The following SNX29 variants were observed in gnomAD, a reference collection of about 807,000 sequenced individuals.
The protein encoded by SNX29 is sorting nexin-29.
Under a neutral mutation model 102.1 loss-of-function variants are expected in SNX29, and 78 were observed. The observed-to-expected ratio is 0.76, with a 90% CI of 0.64 to 0.92. The LOEUF (loss-of-function observed/expected upper bound fraction) is 0.92. Among genes scored for constraint, SNX29 ranks in the 40% least tolerant of loss-of-function variants. The pLI is 0.00. For synonymous variants in SNX29, 580 were observed against 414.5 expected, an observed-to-expected ratio of 1.40 and a Z score of -4.85; for missense variants, 1,280 against 1,061.7, an observed-to-expected ratio of 1.21 and a Z score of -2.86.
intron 3 of SNX29, among the ~76,000 whole-genome samples, chr16:12,005,006 T>C (rs1227088249): frequency 1.3e-5 from 2 of 152,228 alleles, no homozygotes; most frequent in Non-Finnish European, 1.5e-5. Context: ...AAATTTGTTA[T>C]CCGGATGAGC....
intron 14 of SNX29, among the ~76,000 whole-genome samples, chr16:12,243,831 C>T (rs1488917916): frequency 1.3e-5 from 2 of 152,184 alleles, no homozygotes; most frequent in Non-Finnish European, 2.9e-5. Flanking sequence ...ATCAGAGACT[C>T]ATGCGGATTA....
intron 20 of SNX29, among the ~76,000 whole-genome samples, chr16:12,528,899 G>A (rs976841755): frequency 6.6e-5 from 10 of 152,338 alleles, no homozygotes; most frequent in South Asian, 2.1e-4. Context: ...AAACCAGTGG[G>A]TAGAAATTGC....
intron 13 of SNX29, among the ~76,000 whole-genome samples, chr16:12,145,764 G>T (rs768440872): frequency 6.6e-6 from 1 of 152,162 alleles, no homozygotes; most frequent in African/African-American, 2.4e-5. Flanking sequence ...ATGTTATTCA[G>T]TTCCATGGAT....
At chr16:12,146,618 G>A (rs1322585749) in intron 13 of SNX29, among the ~76,000 whole-genome samples, 1 of 152,176 alleles carries the variant, frequency 6.6e-6, no homozygotes, top group Non-Finnish European at 1.5e-5. Context: ...GCTGAGGTGG[G>A]AGGGCCTGCT....
At chr16:12,522,510 G>C (rs886493645) in intron 19 of SNX29, among the ~76,000 whole-genome samples, 2 of 152,202 alleles carry the variant, frequency 1.3e-5, no homozygotes, top group South Asian at 4.1e-4. Flanking sequence ...GTAATCCGCA[G>C]TGTTAGAGGT....
At chr16:12,565,392 C>T (rs1267449371) in intron 20 of SNX29, among the ~76,000 whole-genome samples, 2 of 152,112 alleles carry the variant, frequency 1.3e-5, no homozygotes, top group Admixed American at 1.3e-4. Context: ...CCGCAGGTGT[C>T]ATCCACTCAA....
intron 13 of SNX29, among the ~76,000 whole-genome samples, chr16:12,163,224 C>T (rs1170705669): frequency 2.0e-5 from 3 of 152,126 alleles, no homozygotes; most frequent in Admixed American, 6.5e-5. Context: ...CTTTGCGGAG[C>T]CCCCAGGGTG....
chr16:12,324,597 T>G (rs1207887358), intron 15 of SNX29, among the ~76,000 whole-genome samples: 1 of 152,130 alleles, frequency 6.6e-6, no homozygotes, highest in Admixed American at 6.5e-5. Context: ...AAAATTGTAC[T>G]GGGTGAGCAA....
At chr16:12,314,338 G>T (rs1334749717) in intron 15 of SNX29, among the ~76,000 whole-genome samples, 1 of 152,230 alleles carries the variant, frequency 6.6e-6, no homozygotes, top group Non-Finnish European at 1.5e-5. Context: ...ATGGTCTGCA[G>T]ATGTAACATA....
chr16:12,558,393 GAT>G (rs1245533736), intron 20 of SNX29, among the ~76,000 whole-genome samples: 3 of 152,184 alleles, frequency 2.0e-5, no homozygotes, highest in East Asian at 3.8e-4. Context: ...TACATAGAGT[GAT>G]ATGTTAGCCT....
intron 11 of SNX29, among the ~76,000 whole-genome samples, chr16:12,116,354 AC>A (rs1180859686): frequency 6.6e-6 from 1 of 152,254 alleles, no homozygotes; most frequent in Non-Finnish European, 1.5e-5. Flanking sequence ...GCATATCCAT[AC>A]AGTGGAACAT....
intron 20 of SNX29, among the ~76,000 whole-genome samples, chr16:12,539,446 A>G (rs911872794): frequency 1.3e-5 from 2 of 152,196 alleles, no homozygotes; most frequent in African/African-American, 2.4e-5. Flanking sequence ...ATTACTGAGC[A>G]GAGTTTGGTT....
chr16:12,165,862 C>G lies in SNX29; in HGVS notation c.1596-33739C>G, dbSNP rs573588727. Among the ~76,000 whole-genome samples, 51 of 152,384 alleles carry G rather than the reference C, an allele frequency of 3.3e-4. No individual in the cohort carries two copies. In the East Asian group the frequency reaches 8.7e-3, roughly 26 times the overall value. ...TACTGGCGTGAGCCACCACACCCGGCCAGACTTTGATTCCCTTCTGACTGA... is the reference window on the plus strand; with the variant it reads ...TACTGGCGTGAGCCACCACACCCGGGCAGACTTTGATTCCCTTCTGACTGA... On this transcript the variant is annotated intron_variant, in intron 13 of 20. Coordinates refer to ENST00000566228, the MANE Select transcript of SNX29 (RefSeq NM_032167.5).
At chr16:12,343,429 T>A (rs1323029894) in intron 15 of SNX29, among the ~76,000 whole-genome samples, 1 of 152,196 alleles carries the variant, frequency 6.6e-6, no homozygotes, top group African/African-American at 2.4e-5. Flanking sequence ...TGAAGTCACA[T>A]CTTAACCATG....
At chr16:12,318,886 T>C (rs920655646) in intron 15 of SNX29, among the ~76,000 whole-genome samples, 2 of 152,180 alleles carry the variant, frequency 1.3e-5, no homozygotes, top group East Asian at 3.9e-4. Context: ...GTCTGAGTCC[T>C]GAAGACCTTC....
At chr16:12,068,517 A>AAAG (rs1156786251) in intron 9 of SNX29, among the ~76,000 whole-genome samples, 70 of 151,164 alleles carry the variant, frequency 4.6e-4, no homozygotes, top group Non-Finnish European at 7.8e-4. Flanking sequence ...AAAAAAAAAA[A>AAAG]AGTCACAGGT....
At chr16:12,455,544 G>A (rs6498300) in intron 18 of SNX29, among the ~76,000 whole-genome samples, 56,916 of 152,108 alleles carry the variant, frequency 0.37, 10,654 homozygotes, top group South Asian at 0.45. Context: ...CCCTCCCTGA[G>A]TTGTGGATCC....
intron 4 of SNX29, among the ~76,000 whole-genome samples, chr16:12,041,834 T>C (rs1029400285): frequency 6.6e-6 from 1 of 152,194 alleles, no homozygotes; most frequent in African/African-American, 2.4e-5. Context: ...TTCAGAGAAT[T>C]CTGGAGCTTA....
chr16:12,013,503 ATATATATATATATATATATAT>A (rs2056741512), intron 3 of SNX29, among the ~76,000 whole-genome samples: 10 of 56,628 alleles, frequency 1.8e-4, no homozygotes, highest in South Asian at 1.4e-3. Flanking sequence ...AAAAAAAAAT[ATATATATATATATATATATAT>A]ATATATATAT....
Sources: gnomAD v4.1 joint callset for allele counts (sites outside exome capture counted in the v4.1 genomes callset) on GRCh38, gnomAD v4.1.1 for gene constraint, MANE v1.5 for transcripts, NCBI Gene and HGNC (gene_info 2026-07-23, HGNC 2026-07-21) for gene names.